Variants in CHRM3 observed in about 807,000 individuals in gnomAD.
The protein encoded by CHRM3 is muscarinic acetylcholine receptor M3.
Under a neutral mutation model 41.8 loss-of-function variants are expected in CHRM3, and 11 were observed. The observed-to-expected ratio is 0.26, with a 90% confidence interval of 0.17 to 0.44. The LOEUF is 0.44. Among genes scored for constraint, CHRM3 ranks in the 20% least tolerant of loss-of-function variants. CHRM3 has a pLI of 1.00. For missense variants in CHRM3, 571 were observed against 745.4 expected (o/e 0.77, Z 2.72); for synonymous variants, 297 against 301.4 (o/e 0.99, Z 0.15).
intron 1 of CHRM3, among the ~76,000 whole-genome samples, chr1:239,389,766 T>G (rs1487203617): frequency 6.6e-6 from 1 of 152,254 alleles, no homozygotes; most frequent in African/African-American, 2.4e-5. Flanking sequence ...CCAGCCAACA[T>G]ATTGTTCTTG....
intron 4 of CHRM3, among the ~76,000 whole-genome samples, chr1:239,634,919 G>A (rs1558402533): frequency 6.6e-6 from 1 of 152,164 alleles, no homozygotes; most frequent in Non-Finnish European, 1.5e-5. Flanking sequence ...TTTGTAAATT[G>A]AAGGTATAAG....
At chr1:239,424,653 A>G (rs972618691) in intron 1 of CHRM3, among the ~76,000 whole-genome samples, 3 of 152,210 alleles carry the variant, frequency 2.0e-5, no homozygotes, top group Non-Finnish European at 2.9e-5. Flanking sequence ...AGACAGTCTG[A>G]CTTGGTCACA....
intron 3 of CHRM3, among the ~76,000 whole-genome samples, chr1:239,556,211 T>G (rs574848592): frequency 6.6e-6 from 1 of 152,324 alleles, no homozygotes; most frequent in Non-Finnish European, 1.5e-5. Flanking sequence ...TACATGATTT[T>G]GGTGGCTTTC....
chr1:239,534,435 T>A (rs80272406), intron 2 of CHRM3, among the ~76,000 whole-genome samples: 5,650 of 152,336 alleles, frequency 0.037, 132 homozygotes, highest in Non-Finnish European at 0.052. Flanking sequence ...GAGCTGGTGG[T>A]ACTAATTCCA....
At chr1:239,426,786 G>T (rs1415053357) in intron 1 of CHRM3, among the ~76,000 whole-genome samples, 4 of 152,134 alleles carry the variant, frequency 2.6e-5, no homozygotes, top group African/African-American at 9.7e-5. Flanking sequence ...AACATAATGA[G>T]CATGGATTCT....
chr1:239,710,019 A>G (rs1661606571), intron 5 of CHRM3, among the ~76,000 whole-genome samples: 1 of 152,208 alleles, frequency 6.6e-6, no homozygotes, highest in South Asian at 2.1e-4. Flanking sequence ...GAGGAAGGAC[A>G]CTGATTGTGA....
intron 2 of CHRM3, among the ~76,000 whole-genome samples, chr1:239,544,713 G>T (rs1659119172): frequency 6.6e-6 from 1 of 151,826 alleles, no homozygotes; most frequent in Admixed American, 6.6e-5. Flanking sequence ...TTCAAAGCGA[G>T]ATCTCACTTT....
intron 5 of CHRM3, among the ~76,000 whole-genome samples, chr1:239,822,523 C>G (rs997310664): frequency 2.6e-5 from 4 of 152,014 alleles, no homozygotes; most frequent in African/African-American, 7.3e-5. Context: ...TCTACATAAA[C>G]CAAATCAATA....
At chr1:239,448,615 G>T (rs1481959723) in intron 1 of CHRM3, among the ~76,000 whole-genome samples, 1 of 152,044 alleles carries the variant, frequency 6.6e-6, no homozygotes, top group Admixed American at 6.6e-5. Flanking sequence ...TCCCCAAGTT[G>T]TCTAAAAACT....
chr1:239,609,594 C>T (rs1340784121), intron 3 of CHRM3, among the ~76,000 whole-genome samples: 1 of 152,170 alleles, frequency 6.6e-6, no homozygotes, highest in Non-Finnish European at 1.5e-5. Flanking sequence ...ACGGTTATAG[C>T]ATTTTACATT....
At position 239,675,756 on chromosome 1, in the gene CHRM3, G is replaced by T. The variant is rs1306385778; in HGVS notation, c.-249-2430G>T. Among the ~76,000 whole-genome samples, 4 of 152,164 alleles carry T rather than the reference G, an allele frequency of 2.6e-5. No individual in the cohort carries two copies. In the East Asian group the frequency reaches 7.7e-4, roughly 29 times the overall value. ...CTCTTTCATGAGGGTGAGGCAGTTTGGGGGCTGCCAAAAGATTTTCTAGTC... is the reference window on the plus strand; with the variant it reads ...CTCTTTCATGAGGGTGAGGCAGTTTTGGGGCTGCCAAAAGATTTTCTAGTC... On this transcript the variant is annotated intron_variant, in intron 4 of 6. Transcript: ENST00000676153.
chr1:239,698,499 T>G (rs1214920368), intron 5 of CHRM3, among the ~76,000 whole-genome samples: 1 of 152,162 alleles, frequency 6.6e-6, no homozygotes, highest in Non-Finnish European at 1.5e-5. Context: ...CTACAAAGAG[T>G]GAAAGTGAAT....
At chr1:239,639,526 T>C (rs567463516) in intron 4 of CHRM3, among the ~76,000 whole-genome samples, 1 of 152,274 alleles carries the variant, frequency 6.6e-6, no homozygotes, top group East Asian at 1.9e-4. Flanking sequence ...TTTGAATCAA[T>C]TGTGAATAGG....
chr1:239,656,634 C>G (rs1192278365), intron 4 of CHRM3, among the ~76,000 whole-genome samples: 2 of 151,762 alleles, frequency 1.3e-5, no homozygotes. Context: ...GAGCGAGACC[C>G]TATCTTAAAA....
intron 1 of CHRM3, among the ~76,000 whole-genome samples, chr1:239,409,194 T>C (rs1051466641): frequency 5.3e-5 from 8 of 152,208 alleles, no homozygotes; most frequent in Non-Finnish European, 1.0e-4. Flanking sequence ...GGAGTTATCC[T>C]CTTGGAGCTT....
chr1:239,727,205 G>A (rs888988160), intron 5 of CHRM3, among the ~76,000 whole-genome samples: 3 of 151,888 alleles, frequency 2.0e-5, no homozygotes, highest in African/African-American at 7.2e-5. Flanking sequence ...GTTCTTAAAT[G>A]GAGAGCTATA....
chr1:239,387,696 C>G lies in CHRM3; in HGVS notation c.-521+469C>G, dbSNP rs2102892620. Among the ~76,000 whole-genome samples, 1 of 152,254 alleles carries G rather than the reference C, an allele frequency of 6.6e-6. No homozygotes were observed. The highest frequency in any genetic ancestry group is 2.4e-5 in the African/African-American group (1 of 41,558). ...TGTTGAGCGTTTGTCTCCCATCTCC[C>G]CATTTGGTTTCCTGTCATTTCTAAG... On this transcript the variant is annotated intron_variant, in intron 1 of 6. Transcript: ENST00000676153. This position sits in a 1 kb window ranked among gnomAD's most constrained non-coding sequence, Gnocchi z 5.1.
At chr1:239,499,743 A>G (rs539117314) in intron 2 of CHRM3, among the ~76,000 whole-genome samples, 1 of 152,110 alleles carries the variant, frequency 6.6e-6, no homozygotes, top group Non-Finnish European at 1.5e-5. Flanking sequence ...GGTAACCTAT[A>G]AAGGAAAATA....
At chr1:239,645,323 C>T (rs1671652834) in intron 4 of CHRM3, among the ~76,000 whole-genome samples, 1 of 152,182 alleles carries the variant, frequency 6.6e-6, no homozygotes, top group East Asian at 1.9e-4. Flanking sequence ...ATGTAGGAAG[C>T]CTTATAGTTA....
Sources: gnomAD v4.1 joint callset for allele counts (sites outside exome capture counted in the v4.1 genomes callset) on GRCh38, gnomAD v4.1.1 for gene constraint, Gnocchi (gnomAD v3.1) non-coding constraint, MANE v1.5 for transcripts, NCBI Gene and HGNC (gene_info 2026-07-23, HGNC 2026-07-21) for gene names.